The following FRMPD4 variants were observed in gnomAD, a reference collection of about 807,000 sequenced individuals.
The protein encoded by FRMPD4 is FERM and PDZ domain containing 4.
Under a neutral mutation model 94.1 loss-of-function variants are expected in FRMPD4, and 22 were observed. The ratio of observed to expected loss-of-function variants is 0.23; its 90% CI spans 0.17 to 0.33. FRMPD4 has a LOEUF of 0.33. Among genes scored for constraint, FRMPD4 ranks in the 10% least tolerant of loss-of-function variants. The pLI is 1.00. For missense variants in FRMPD4, 1,111 were observed against 1,339.9 expected, an observed-to-expected ratio of 0.83 and a Z score of 2.67; for synonymous variants, 631 against 548.6, an observed-to-expected ratio of 1.15 and a Z score of -2.10.
At chrX:11,892,608 A>C (rs1002126948) in intron 3 of FRMPD4, among the ~76,000 whole-genome samples, 1 of 112,324 alleles carries the variant, frequency 8.9e-6, no homozygotes, top group Non-Finnish European at 1.9e-5. Flanking sequence ...ACCCTGCTCA[A>C]TAATTAGGTT....
Position 12,721,925 on chromosome X carries a change from A to G in FRMPD4, c.*67A>G. On this transcript the variant is annotated 3_prime_UTR_variant, in exon 17 of 17. Transcript: ENST00000675598. ...ATGAACTTTTATTTACTTTGTGTGT[A>G]TGATGAACAGATGTCTCCTTTCTTC... The G allele has an allele frequency of 4.2e-6, 2 of 480,593 alleles. No homozygotes were observed. The highest frequency in any genetic ancestry group is 2.6e-6 in the Non-Finnish European group (1 of 387,587). 39.6% of individuals were successfully genotyped at this position (480,593 alleles called of 1,213,427 possible).
chrX:12,609,676 A>T, intron 2 of FRMPD4, 45 bp from the exon 3 acceptor site: 1 of 1,084,522 alleles, frequency 9.2e-7, no homozygotes, highest in Non-Finnish European at 1.3e-6. Flanking sequence ...AATGCCTAAG[A>T]CATACATTGA....
intron 1 of FRMPD4, among the ~76,000 whole-genome samples, chrX:12,308,773 C>T (rs2054985103): frequency 9.0e-6 from 1 of 111,227 alleles, no homozygotes; most frequent in Non-Finnish European, 1.9e-5. Flanking sequence ...GCCCAGGAGC[C>T]ATATTGGCAT....
intron 3 of FRMPD4, among the ~76,000 whole-genome samples, chrX:11,990,615 T>G (rs1356744520): frequency 2.7e-5 from 3 of 112,084 alleles, no homozygotes; most frequent in Non-Finnish European, 5.6e-5. Flanking sequence ...TTTTTCTGCA[T>G]TCACATGTTT....
At chrX:12,234,200 A>G (rs2057045545) in intron 1 of FRMPD4, among the ~76,000 whole-genome samples, 2 of 111,024 alleles carry the variant, frequency 1.8e-5, no homozygotes, top group African/African-American at 6.6e-5. Flanking sequence ...GTGCATGCGC[A>G]CAACCAGTCA....
In FRMPD4 at chrX:12,614,863, G is replaced by A. The variant is rs1427451946; in HGVS notation, c.404G>A (p.Arg135Gln). ...DEPVSAAPRERVIDLVRSCKE... is the reference protein window; with the variant it reads ...DEPVSAAPREQVIDLVRSCKE... ...CCGGTCAGCGCTGCACCCAGAGAGC[G>A]GGTCATCGATCTGGTCAGGTGAGTG... Residue 135 changes from arginine to glutamine, a missense_variant, in exon 4 of 17, where the codon CGG (arginine) becomes CAG (glutamine). Physicochemically the swap from Arg to Gln is conservative, Grantham distance 43. Coordinates refer to ENST00000675598, the MANE Select transcript of FRMPD4 (RefSeq NM_001368397.1). 3 of 1,146,684 alleles carry A rather than the reference G, an allele frequency of 2.6e-6. No individual in the cohort carries two copies. Among genetic ancestry groups the A allele is most frequent in the East Asian group, 3.0e-5 (1 of 33,392 alleles). The allele number at this position is 1,146,684 out of a possible 1,213,427, so 94.5% of individuals were successfully genotyped here. A position where few individuals can be genotyped will look rare whatever the true frequency, so the allele number is the denominator to read the frequency against.
rs146567013 is a variant in FRMPD4 at position 12,047,867 on chromosome X, G to A, written c.95+169849G>A. On this transcript the variant is annotated intron_variant, in intron 3 of 18. Transcript: ENST00000640291. ...CTGCATAGTATTCCATGACGTATAC[G>A]TATGTACCACATTTTCTTTATCCAA... Among the ~76,000 whole-genome samples, 612 of 112,319 alleles carry A rather than the reference G, an allele frequency of 5.4e-3. 3 individuals carry two copies. The highest frequency in any genetic ancestry group is 0.019 in the African/African-American group (586 of 30,933).
chrX:12,265,369 G>C (rs770447121), intron 1 of FRMPD4, among the ~76,000 whole-genome samples: 1 of 112,217 alleles, frequency 8.9e-6, no homozygotes, highest in South Asian at 3.7e-4. Flanking sequence ...AAGAAGCCCA[G>C]TAACTGTAAT....
intron 3 of FRMPD4, among the ~76,000 whole-genome samples, chrX:11,943,299 G>C (rs923678556): frequency 1.8e-5 from 2 of 111,284 alleles, no homozygotes; most frequent in Admixed American, 1.9e-4. Context: ...TCTGATTTTG[G>C]ATCACTGGGC....
chrX:12,334,131 A>G (rs1232025831), intron 1 of FRMPD4, among the ~76,000 whole-genome samples: 4 of 112,061 alleles, frequency 3.6e-5, no homozygotes, highest in African/African-American at 6.5e-5. Flanking sequence ...AAATATTACT[A>G]TAGTATCACT....
chrX:12,421,589 C>T (rs1407977899), intron 1 of FRMPD4, among the ~76,000 whole-genome samples: 1 of 108,316 alleles, frequency 9.2e-6, no homozygotes, highest in Non-Finnish European at 1.9e-5. Context: ...AAGACCCCGT[C>T]TCTACACAAA....
chrX:12,517,351 A>G (rs775735337), intron 2 of FRMPD4, among the ~76,000 whole-genome samples: 2 of 91,059 alleles, frequency 2.2e-5, no homozygotes, highest in African/African-American at 8.2e-5. Flanking sequence ...TCTAGCTTCA[A>G]TCTTTGAGGC....
intron 3 of FRMPD4, among the ~76,000 whole-genome samples, chrX:12,067,648 T>C (rs1370778100): frequency 2.7e-5 from 3 of 109,770 alleles, no homozygotes; most frequent in Non-Finnish European, 5.7e-5. Flanking sequence ...AAACTCCTGA[T>C]CTTGTGATCT....
At chrX:12,303,675 G>T (rs1439941951) in intron 1 of FRMPD4, among the ~76,000 whole-genome samples, 1 of 110,492 alleles carries the variant, frequency 9.1e-6, no homozygotes, top group Non-Finnish European at 1.9e-5. Context: ...TTATTACTTG[G>T]GTGAATAGAA....
intron 1 of FRMPD4, among the ~76,000 whole-genome samples, chrX:12,434,648 TTCTA>T (rs2057044753): frequency 8.9e-6 from 1 of 112,318 alleles, no homozygotes; most frequent in Non-Finnish European, 1.9e-5. Flanking sequence ...CAGACCTGGC[TTCTA>T]AAACCACTTG....
intron 2 of FRMPD4, among the ~76,000 whole-genome samples, chrX:12,574,440 A>G (rs1222514538): frequency 8.9e-6 from 1 of 112,222 alleles, no homozygotes; most frequent in Non-Finnish European, 1.9e-5. Context: ...ACATGTGTGG[A>G]AAGGGAAGGA....
intron 3 of FRMPD4, among the ~76,000 whole-genome samples, chrX:12,067,444 G>T (rs1458477719): frequency 9.1e-6 from 1 of 109,694 alleles, no homozygotes; most frequent in Non-Finnish European, 1.9e-5. Context: ...TTTGAGAGGA[G>T]TCTCACTGTA....
intron 1 of FRMPD4, among the ~76,000 whole-genome samples, chrX:11,839,151 T>G (rs191036146): frequency 1.4e-3 from 153 of 111,233 alleles, no homozygotes; most frequent in African/African-American, 4.3e-3. Context: ...ATTTAGTTTG[T>G]GTTTAAATTT....
intron 3 of FRMPD4, among the ~76,000 whole-genome samples, chrX:12,097,655 CA>C (rs891697935): frequency 7.1e-5 from 8 of 112,393 alleles, no homozygotes; most frequent in African/African-American, 9.7e-5. Flanking sequence ...GTAAATAGAA[CA>C]ATGCAACTGG....
Sources: gnomAD v4.1 joint callset for allele counts (sites outside exome capture counted in the v4.1 genomes callset) on GRCh38, gnomAD v4.1.1 for gene constraint, MANE v1.5 for transcripts, NCBI Gene and HGNC (gene_info 2026-07-23, HGNC 2026-07-21) for gene names.